POMT2: variants seen among roughly 807,000 people sequenced by gnomAD.
POMT2 encodes the protein protein O-mannosyl-transferase 2.
Under a neutral mutation model 100.0 loss-of-function variants are expected in POMT2, and 75 were observed. The observed-to-expected ratio is 0.75, with a 90% CI of 0.62 to 0.91. POMT2 has a LOEUF of 0.91. Among genes scored for constraint, POMT2 ranks in the 40% least tolerant of loss-of-function variants. POMT2 has a pLI of 0.00. For missense variants in POMT2, 940 were observed against 955.1 expected (o/e 0.98, Z 0.21); for synonymous variants, 378 against 374.1 (o/e 1.01, Z -0.12).
chr14:77,284,930 C>T lies in POMT2; in HGVS notation c.1576+20G>A, dbSNP rs753068564. On this transcript the variant is annotated intron_variant, in intron 14 of 20. Transcript: ENST00000261534. ...TAAATGCTTCCCTCCAGAGCCAGCC[C>T]AGAAAGTGACCTCACTCACACTTGG... 8.9e-6 allele frequency: 14 copies of T among 1,576,836 alleles called. No homozygotes were observed. Among genetic ancestry groups the T allele is most frequent in the African/African-American group, 1.4e-5 (1 of 74,040 alleles).
chr14:77,285,873 T>A (rs1485805984), intron 12 of POMT2, among the ~76,000 whole-genome samples: 1 of 152,136 alleles, frequency 6.6e-6, no homozygotes, highest in East Asian at 1.9e-4. Context: ...GAACCAGAAG[T>A]CCAGGAGTCC....
In POMT2 at chr14:77,320,427, C is replaced by G. The variant is rs755275524; in HGVS notation, c.248+7G>C. The G allele has an allele frequency of 6.5e-7, 1 of 1,546,570 alleles. No individual in the cohort carries two copies. The highest frequency in any genetic ancestry group is 1.2e-5 in the South Asian group (1 of 84,076). ...ATGGTGCCCGCCGAGTCCCTCCCAT[C>G]ACTCACCAGATGTGCGGCGGCTCGT... is the stretch of plus-strand genomic sequence containing the variant. On this transcript the variant is annotated splice_region_variant and intron_variant, in intron 1 of 20. Transcript: ENST00000261534.
At position 77,291,247 on chromosome 14, in the gene POMT2, T is replaced by C. The variant is rs145363560; in HGVS notation, c.1183+67A>G. 1.0e-3 allele frequency: 1,475 copies of C among 1,458,830 alleles called. 17 individuals are homozygous for C. In the African/African-American group the frequency reaches 0.018, roughly 18 times the overall value. 90.4% of individuals were successfully genotyped at this position (1,458,830 alleles called of 1,614,324 possible). The stretch of plus-strand genomic sequence containing the variant: ...TCTCAGGATCATTCTTTTGCAGGCA[T>C]GAGAAATCTTAAGGAGGGCTCAGAG... On this transcript the variant is annotated intron_variant, in intron 10 of 20. Transcript: ENST00000261534.
At chr14:77,278,024 AG>A (rs1282705165) in intron 20 of POMT2, among the ~76,000 whole-genome samples, 1 of 151,606 alleles carries the variant, frequency 6.6e-6, no homozygotes, top group African/African-American at 2.4e-5. Context: ...CTGTTCTGAC[AG>A]GGGGCCATGG....
chr14:77,280,769 G>A (rs920558301), intron 15 of POMT2, among the ~76,000 whole-genome samples: 3 of 152,198 alleles, frequency 2.0e-5, no homozygotes, highest in African/African-American at 7.2e-5. Flanking sequence ...AGGACAAGGT[G>A]TGAAAATGGT....
chr14:77,276,366 G>A lies in POMT2; in HGVS notation c.*1010C>T, dbSNP rs1157128359. On this transcript the variant is annotated 3_prime_UTR_variant, in exon 21 of 21. Transcript: ENST00000261534. Reference sequence around the variant, plus strand: ...AGGAGGACTGCAGAAGTGACACTGGGAAAGCTCAGCAGGTGACAGGAACAT... The same window carrying A: ...AGGAGGACTGCAGAAGTGACACTGGAAAAGCTCAGCAGGTGACAGGAACAT... 1.3e-5 allele frequency: 2 copies of A among 152,766 alleles called. No homozygotes were observed. Among genetic ancestry groups the A allele is most frequent in the Non-Finnish European group, 1.5e-5 (1 of 68,254 alleles). 9.5% of individuals were successfully genotyped at this position (152,766 alleles called of 1,614,324 possible). A position where few individuals can be genotyped will look rare whatever the true frequency, so the allele number is the denominator to read the frequency against.
chr14:77,305,392 C>T (rs946816003), intron 3 of POMT2, among the ~76,000 whole-genome samples: 9 of 152,180 alleles, frequency 5.9e-5, no homozygotes, highest in Non-Finnish European at 1.2e-4. Context: ...CATCCCCTAC[C>T]TGTCCATCAA....
intron 1 of POMT2, chr14:77,312,466 A>G: frequency 5.6e-6 from 1 of 177,462 alleles, no homozygotes. Flanking sequence ...GATGGAGACC[A>G]TCCTGGCTAA....
intron 7 of POMT2, 22 bp downstream of exon 7, chr14:77,299,433 G>T: frequency 1.2e-6 from 2 of 1,601,728 alleles, no homozygotes; most frequent in Non-Finnish European, 1.7e-6. Context: ...GAAGCAAGAT[G>T]CTGCAAAGGC....
At chr14:77,289,322 C>T (rs996325815) in intron 10 of POMT2, among the ~76,000 whole-genome samples, 6 of 151,856 alleles carry the variant, frequency 4.0e-5, no homozygotes, top group Admixed American at 1.3e-4. Context: ...ACCCGGGAGG[C>T]GGAGGTTGCA....
rs760413289 is a variant in POMT2, at chr14:77,320,668, G to C, written c.14C>G (p.Thr5Arg). 1.6e-5 allele frequency: 26 copies of C among 1,593,342 alleles called. No individual in the cohort carries two copies. The South Asian group carries it at 2.8e-4, about 17-fold the overall frequency. MPPATGGGLAESELR... is the reference protein window; with the variant it reads MPPARGGGLAESELR... ...CTCGGACTCTGCCAGGCCTCCGCCC[G>C]TGGCCGGCGGCATCTTCCCCCTCCT... The change falls in exon 1 of 21, where the codon ACG (threonine) becomes AGG (arginine). Residue 5 changes from threonine to arginine, a missense_variant. Transcript: ENST00000261534.
chr14:77,311,425 C>T (rs1485051621), intron 2 of POMT2, among the ~76,000 whole-genome samples: 2 of 152,170 alleles, frequency 1.3e-5, no homozygotes, highest in Admixed American at 1.3e-4. Context: ...CAATCATCAC[C>T]ACTACCTAAT....
chr14:77,276,105 A>T lies in POMT2; in HGVS notation c.*1271T>A, dbSNP rs1566640435. ...AGACAAAAGAAATATTTTGTCATGC[A>T]CCAGGAAGGTGGAGGCAGGCTTAAG... On this transcript the variant is annotated 3_prime_UTR_variant, in exon 21 of 21. Transcript: ENST00000261534. 3.3e-5 allele frequency: 5 copies of T among 152,704 alleles called. No homozygotes were observed. In the East Asian group the frequency reaches 7.7e-4, roughly 24 times the overall value. 9.5% of individuals were successfully genotyped at this position (152,704 alleles called of 1,614,324 possible). A position where few individuals can be genotyped will look rare whatever the true frequency, so the allele number is the denominator to read the frequency against.
rs1268392742 is a variant in POMT2, at chr14:77,283,780, G to A, written c.1653+17C>T. 4 of 1,585,874 alleles carry A rather than the reference G, an allele frequency of 2.5e-6. No homozygotes were observed. The highest frequency in any genetic ancestry group is 2.2e-5 in the East Asian group (1 of 44,720). ...AAAGCTCTTAGAGACGCCATGAAAT[G>A]AGAAGGGGACACATACCCGGATCAT... On this transcript the variant is annotated intron_variant, in intron 15 of 20. Transcript: ENST00000261534.
chr14:77,302,619 A>G (rs1474271190), intron 5 of POMT2, among the ~76,000 whole-genome samples: 1 of 152,276 alleles, frequency 6.6e-6, no homozygotes, highest in Non-Finnish European at 1.5e-5. Flanking sequence ...GGTCTTGAAT[A>G]TGGCAAAAAT....
Position 77,291,380 on chromosome 14 carries a change from C to G in POMT2, c.1117G>C (p.Val373Leu). 1 of 1,520,962 alleles carries G rather than the reference C, an allele frequency of 6.6e-7. No individual in the cohort carries two copies. The allele number at this position is 1,520,962 out of a possible 1,614,324, so 94.2% of individuals were successfully genotyped here. A position where few individuals can be genotyped will look rare whatever the true frequency, so the allele number is the denominator to read the frequency against. The change falls in exon 10 of 21, where the codon GTC becomes CTC. Residue 373 changes from valine (V) to leucine (L), a missense_variant and splice_region_variant. Coordinates refer to ENST00000261534, the MANE Select transcript of POMT2 (RefSeq NM_013382.7). ...TAGTCCTTGTGCAAATAGGTGGTGA[C>G]CTGGGTGGGGGGTGGGGGCGGAGGG... ...PEGIGARQQQ[V>L]TTYLHKDYNN...
At chr14:77,319,364 G>C (rs932535001) in intron 1 of POMT2, 17 of 152,340 alleles carry the variant, frequency 1.1e-4, no homozygotes, top group East Asian at 7.7e-4. Flanking sequence ...GTAGCCAGGG[G>C]AGTTGTATAT....
At position 77,277,445 on chromosome 14, in the gene POMT2, A is replaced by C; in HGVS notation, c.2184T>G (p.Val728=). 1 of 1,614,050 alleles carries C rather than the reference A, an allele frequency of 6.2e-7. No homozygotes were observed. The highest frequency in any genetic ancestry group is 8.5e-7 in the Non-Finnish European group (1 of 1,179,892). The part of the protein sequence containing the change: ...YLFHPLAYGM[V]GPLAQDPQSP... The stretch of plus-strand genomic sequence containing the variant: ...TTTGGGGGTCCTGGGCCAGGGGACC[A>C]ACCATCCCGTAAGCCAGAGGGTGGA... The change falls in exon 21 of 21, where the codon GTT becomes GTG. Residue 728 remains valine, a synonymous_variant. Transcript: ENST00000261534.
rs1170814170 is a variant in POMT2 at position 77,308,348 on chromosome 14, G to C, written c.334-1907C>G. 2.8e-5 allele frequency among the ~76,000 whole-genome samples: 3 copies of C among 106,738 alleles called. No individual in the cohort carries two copies. The East Asian group carries it at 1.5e-3, about 53-fold the overall frequency. The allele number at this position is 106,738 out of a possible 152,430, so 70.0% of individuals were successfully genotyped here. A position where few individuals can be genotyped will look rare whatever the true frequency, so the allele number is the denominator to read the frequency against. Reference sequence around the variant, plus strand: ...CATTTTTTACTCTCCAATTGACAAAGTTTTTTTGTTTTTTTTTTTTTTTTG... The same window carrying C: ...CATTTTTTACTCTCCAATTGACAAACTTTTTTTGTTTTTTTTTTTTTTTTG... On this transcript the variant is annotated intron_variant, in intron 2 of 20. Coordinates refer to ENST00000261534, the MANE Select transcript of POMT2 (RefSeq NM_013382.7).
Sources: allele counts gnomAD v4.1 joint callset (sites outside exome capture counted in the v4.1 genomes callset), GRCh38; gene constraint gnomAD v4.1.1; transcripts MANE v1.5; gene names NCBI Gene and HGNC (gene_info 2026-07-23, HGNC 2026-07-21).